Variants in ZFPM2 observed in about 807,000 individuals in gnomAD.
ZFPM2 encodes zinc finger protein ZFPM2.
A neutral mutation model predicts 98.6 loss-of-function variants in ZFPM2; 20 were observed. That is an observed-to-expected ratio of 0.20 (90% CI 0.14 to 0.29). ZFPM2 has a LOEUF of 0.29. Among genes scored for constraint, ZFPM2 ranks in the 10% least tolerant of loss-of-function variants. The probability of loss-of-function intolerance (pLI) is 1.00; values close to 1 mark genes in which losing one functional copy is unlikely to be tolerated. For synonymous variants in ZFPM2, 518 were observed against 502.7 expected (o/e 1.03, Z -0.41); for missense variants, 1,310 against 1,388.6 (o/e 0.94, Z 0.90).
At chr8:105,439,798 A>G (rs1373618326) in intron 2 of ZFPM2, among the ~76,000 whole-genome samples, 2 of 152,202 alleles carry the variant, frequency 1.3e-5, no homozygotes, top group East Asian at 1.9e-4. Context: ...TATATTCTCT[A>G]TTCTTTACCA....
At chr8:105,501,182 C>CTTT (rs1563687795) in intron 3 of ZFPM2, among the ~76,000 whole-genome samples, 1 of 121,022 alleles carries the variant, frequency 8.3e-6, no homozygotes. Flanking sequence ...ATTTACTTTT[C>CTTT]TCTTTTTTTT....
intron 1 of ZFPM2, among the ~76,000 whole-genome samples, chr8:105,321,357 A>T (rs971861633): frequency 6.6e-6 from 1 of 152,186 alleles, no homozygotes; most frequent in African/African-American, 2.4e-5. Flanking sequence ...GTTACTTTTG[A>T]TGTTCTGGAT....
intron 3 of ZFPM2, among the ~76,000 whole-genome samples, chr8:105,501,777 G>T (rs776526308): frequency 2.0e-5 from 3 of 152,082 alleles, no homozygotes; most frequent in Non-Finnish European, 4.4e-5. Context: ...GAGCCACCAT[G>T]CCCATCTTCT....
intron 3 of ZFPM2, among the ~76,000 whole-genome samples, chr8:105,540,775 A>G (rs1814560434): frequency 6.6e-6 from 1 of 152,102 alleles, no homozygotes; most frequent in African/African-American, 2.4e-5. Context: ...GAAACTTCCT[A>G]ATATCACAAA....
chr8:105,617,086 A>ATGTTGGAT (rs1334794147), intron 4 of ZFPM2, among the ~76,000 whole-genome samples: 1 of 145,212 alleles, frequency 6.9e-6, no homozygotes, highest in Middle Eastern at 3.6e-3. Flanking sequence ...TGGGTAGCAA[A>ATGTTGGAT]TGTTGGATTT....
At chr8:105,442,058 G>A (rs1221166992) in intron 2 of ZFPM2, among the ~76,000 whole-genome samples, 1 of 152,060 alleles carries the variant, frequency 6.6e-6, no homozygotes, top group Non-Finnish European at 1.5e-5. Flanking sequence ...TTGGGGCCGG[G>A]CGCGGTGGCT....
At chr8:105,347,021 CA>C (rs1015302436) in intron 1 of ZFPM2, among the ~76,000 whole-genome samples, 2 of 152,126 alleles carry the variant, frequency 1.3e-5, no homozygotes, top group Non-Finnish European at 2.9e-5. Flanking sequence ...GAGAACAGCA[CA>C]GATAGATTTA....
chr8:105,653,292 A>C (rs989968721), intron 5 of ZFPM2, among the ~76,000 whole-genome samples: 1 of 152,170 alleles, frequency 6.6e-6, no homozygotes, highest in African/African-American at 2.4e-5. Flanking sequence ...AGACCATTGT[A>C]TGAAATTTGG....
chr8:105,509,209 CA>C, intron 3 of ZFPM2, among the ~76,000 whole-genome samples: 1 of 152,156 alleles, frequency 6.6e-6, no homozygotes, highest in East Asian at 1.9e-4. Context: ...ACCAGGAAAA[CA>C]GTAGTTTGCA....
intron 1 of ZFPM2, among the ~76,000 whole-genome samples, chr8:105,350,479 G>A (rs1260336398): frequency 6.6e-6 from 1 of 152,182 alleles, no homozygotes; most frequent in Non-Finnish European, 1.5e-5. Context: ...TAAAAAGAGA[G>A]TAGTGTAGAT....
intron 1 of ZFPM2, among the ~76,000 whole-genome samples, chr8:105,321,134 TG>T (rs1385347366): frequency 6.6e-6 from 1 of 152,124 alleles, no homozygotes; most frequent in African/African-American, 2.4e-5. Context: ...TTTTAGGGGG[TG>T]GGGGAGATAC....
chr8:105,657,251 G>A (rs762321427), intron 5 of ZFPM2, among the ~76,000 whole-genome samples: 14 of 151,978 alleles, frequency 9.2e-5, no homozygotes, highest in South Asian at 2.1e-4. Context: ...CAATTCTTAT[G>A]TCTCAGCCTC....
At chr8:105,510,488 T>C (rs539939694) in intron 3 of ZFPM2, among the ~76,000 whole-genome samples, 2 of 151,900 alleles carry the variant, frequency 1.3e-5, no homozygotes, top group African/African-American at 4.8e-5. Flanking sequence ...AATGAAATGA[T>C]AGCAAACACC....
intron 5 of ZFPM2, among the ~76,000 whole-genome samples, chr8:105,663,279 A>G (rs1033693239): frequency 6.6e-6 from 1 of 152,186 alleles, no homozygotes; most frequent in African/African-American, 2.4e-5. Flanking sequence ...GATAATTATG[A>G]CACTTTTAAA....
chr8:105,370,857 C>T (rs527471495), intron 1 of ZFPM2, among the ~76,000 whole-genome samples: 58 of 152,316 alleles, frequency 3.8e-4, no homozygotes, highest in Non-Finnish European at 3.7e-4. Flanking sequence ...GGGATTTGAA[C>T]GCAACTTATC....
At chr8:105,502,125 T>C (rs1278799927) in intron 3 of ZFPM2, among the ~76,000 whole-genome samples, 3 of 152,098 alleles carry the variant, frequency 2.0e-5, no homozygotes, top group Non-Finnish European at 4.4e-5. Flanking sequence ...AACTTTAAAG[T>C]AAGATGGTTC....
At chr8:105,472,351 AC>A (rs1812920711) in intron 3 of ZFPM2, among the ~76,000 whole-genome samples, 1 of 152,180 alleles carries the variant, frequency 6.6e-6, no homozygotes, top group South Asian at 2.1e-4. Flanking sequence ...TACTTAGAAA[AC>A]ATTTTATTTT....
intron 3 of ZFPM2, among the ~76,000 whole-genome samples, chr8:105,478,199 A>T (rs1470744044): frequency 6.6e-6 from 1 of 152,156 alleles, no homozygotes. Context: ...TCCAGCCCCG[A>T]TACTTTCTGA....
At chr8:105,332,143 G>A (rs140366173) in intron 1 of ZFPM2, among the ~76,000 whole-genome samples, 8 of 151,724 alleles carry the variant, frequency 5.3e-5, no homozygotes, top group East Asian at 1.9e-4. Flanking sequence ...CTAGATTTCC[G>A]TATGGCTGGC....
Sources: gnomAD v4.1 joint callset for allele counts (sites outside exome capture counted in the v4.1 genomes callset) on GRCh38, gnomAD v4.1.1 for gene constraint, MANE v1.5 for transcripts, NCBI Gene and HGNC (gene_info 2026-07-23, HGNC 2026-07-21) for gene names.